The following MALRD1 variants were observed in gnomAD, a reference collection of about 807,000 sequenced individuals.
The protein encoded by MALRD1 is MAM and LDL-receptor class A domain-containing protein 1.
Under a neutral mutation model 242.1 loss-of-function variants are expected in MALRD1, and 247 were observed. The ratio of observed to expected loss-of-function variants is 1.02; its 90% CI spans 0.92 to 1.13. The LOEUF (loss-of-function observed/expected upper bound fraction) is 1.13, where lower values mean the gene tolerates loss of function less well. MALRD1 is among the 50% of genes most tolerant of loss of function. MALRD1 has a pLI of 0.00. For synonymous variants in MALRD1, 995 were observed against 866.6 expected, an observed-to-expected ratio of 1.15 and a Z score of -2.60; for missense variants, 2,989 against 2,533.1, an observed-to-expected ratio of 1.18 and a Z score of -3.86.
At chr10:19,334,073 A>C (rs936906346) in intron 24 of MALRD1, among the ~76,000 whole-genome samples, 13 of 132,814 alleles carry the variant, frequency 9.8e-5, no homozygotes, top group African/African-American at 3.4e-4. Flanking sequence ...GTAGTCTGTG[A>C]CTATTTTCTG....
intron 35 of MALRD1, among the ~76,000 whole-genome samples, chr10:19,610,294 C>T (rs1226799768): frequency 3.3e-5 from 5 of 151,888 alleles, no homozygotes; most frequent in Non-Finnish European, 5.9e-5. Context: ...CATTACCCTA[C>T]TGTGCAGTAG....
intron 29 of MALRD1, among the ~76,000 whole-genome samples, chr10:19,462,305 T>G (rs10159852): frequency 0.81 from 123,731 of 151,884 alleles, 50,589 homozygotes; most frequent in East Asian, 1. Context: ...TCATCCTAGG[T>G]TTAATTACCA....
chr10:19,696,159 G>C (rs549736507), intron 38 of MALRD1, among the ~76,000 whole-genome samples: 2 of 152,196 alleles, frequency 1.3e-5, no homozygotes, highest in African/African-American at 2.4e-5. Flanking sequence ...AACTCTGCAG[G>C]CTGGGCTCAT....
chr10:19,662,286 A>C (rs1841477787), intron 36 of MALRD1, among the ~76,000 whole-genome samples: 1 of 152,154 alleles, frequency 6.6e-6, no homozygotes, highest in Non-Finnish European at 1.5e-5. Context: ...CAAAGCTTGA[A>C]TGGAAGTTAA....
chr10:19,588,554 T>C (rs780846643), intron 33 of MALRD1, among the ~76,000 whole-genome samples: 6 of 152,228 alleles, frequency 3.9e-5, no homozygotes, highest in Non-Finnish European at 7.3e-5. Flanking sequence ...CAAGTATAGC[T>C]TTGATTGTGG....
chr10:19,104,364 CTG>C (rs928061732), intron 5 of MALRD1, among the ~76,000 whole-genome samples: 1 of 152,134 alleles, frequency 6.6e-6, no homozygotes. Flanking sequence ...CAAGAGAACT[CTG>C]TGCCTTCTAG....
intron 28 of MALRD1, among the ~76,000 whole-genome samples, chr10:19,447,768 T>C (rs1044709522): frequency 2.0e-5 from 3 of 152,130 alleles, no homozygotes; most frequent in Non-Finnish European, 4.4e-5. Flanking sequence ...TTAATTTAAT[T>C]AACCATCCCT....
chr10:19,311,049 T>A (rs979349237), intron 21 of MALRD1, among the ~76,000 whole-genome samples: 2 of 151,418 alleles, frequency 1.3e-5, no homozygotes, highest in African/African-American at 4.8e-5. Context: ...AAACACATAA[T>A]ATTTGGACAA....
chr10:19,315,200 G>T (rs1228590717), intron 21 of MALRD1, among the ~76,000 whole-genome samples: 31 of 110,212 alleles, frequency 2.8e-4, no homozygotes, highest in South Asian at 8.1e-4. Flanking sequence ...ATAATTTATA[G>T]AAATATAATT....
At chr10:19,097,086 T>C (rs911367272) in intron 4 of MALRD1, among the ~76,000 whole-genome samples, 4 of 152,216 alleles carry the variant, frequency 2.6e-5, no homozygotes, top group Admixed American at 2.6e-4. Flanking sequence ...TAGCACTTAC[T>C]ATGTGTAAGG....
At chr10:19,317,492 G>C (rs1842756557) in intron 21 of MALRD1, among the ~76,000 whole-genome samples, 1 of 151,918 alleles carries the variant, frequency 6.6e-6, no homozygotes, top group Admixed American at 6.6e-5. Context: ...GCAGCTCAAA[G>C]TATTGTTCAC....
rs568920768 is a variant in MALRD1 at position 19,717,973 on chromosome 10, C to T, written c.6315-12733C>T. Among the ~76,000 whole-genome samples the T allele has an allele frequency of 1.3e-3, 192 of 150,448 alleles. 1 individual carries two copies. The highest frequency in any genetic ancestry group is 8.7e-4 in the Non-Finnish European group (59 of 67,804). On this transcript the variant is annotated intron_variant, in intron 38 of 39. Coordinates refer to ENST00000454679, the MANE Select transcript of MALRD1 (RefSeq NM_001142308.3). The stretch of plus-strand genomic sequence containing the variant: ...TGGAGGCTGCAGTGAGCCAATATTG[C>T]GCCACTGCACTCCAGAGAGATTCTA...
At chr10:19,529,836 A>G (rs1014145133) in intron 31 of MALRD1, among the ~76,000 whole-genome samples, 1 of 152,098 alleles carries the variant, frequency 6.6e-6, no homozygotes, top group African/African-American at 2.4e-5. Context: ...ATGACTTTGG[A>G]GAAAGGAAGA....
chr10:19,100,735 G>C (rs1836220099), intron 4 of MALRD1, among the ~76,000 whole-genome samples: 1 of 152,238 alleles, frequency 6.6e-6, no homozygotes, highest in East Asian at 1.9e-4. Context: ...GTTCAGGAGA[G>C]AGATGAACAT....
At chr10:19,455,808 C>CA (rs1365215832) in intron 29 of MALRD1, among the ~76,000 whole-genome samples, 2 of 152,198 alleles carry the variant, frequency 1.3e-5, no homozygotes, top group Non-Finnish European at 2.9e-5. Flanking sequence ...CAATGCACTG[C>CA]ACACATCTAC....
At chr10:19,159,163 GC>G (rs1834290985) in intron 12 of MALRD1, among the ~76,000 whole-genome samples, 1 of 152,088 alleles carries the variant, frequency 6.6e-6, no homozygotes, top group Admixed American at 6.6e-5. Flanking sequence ...GGAAAAGAAT[GC>G]CCAGGAAAAA....
intron 17 of MALRD1, among the ~76,000 whole-genome samples, chr10:19,205,470 T>A (rs1177531141): frequency 2.0e-5 from 3 of 151,094 alleles, no homozygotes; most frequent in African/African-American, 7.3e-5. Flanking sequence ...ATACTAGAGA[T>A]ACAATGATAA....
chr10:19,329,112 A>G (rs779356688), intron 23 of MALRD1, among the ~76,000 whole-genome samples: 7 of 152,228 alleles, frequency 4.6e-5, no homozygotes, highest in Non-Finnish European at 8.8e-5. Flanking sequence ...AAAAAAGAGT[A>G]TACCCCTGAT....
chr10:19,653,319 C>A, intron 36 of MALRD1, among the ~76,000 whole-genome samples: 1 of 152,184 alleles, frequency 6.6e-6, no homozygotes, highest in African/African-American at 2.4e-5. Flanking sequence ...ACCTTAGCCT[C>A]CTGAGTAGCT....
Sources: gnomAD v4.1 joint callset for allele counts (sites outside exome capture counted in the v4.1 genomes callset) on GRCh38, gnomAD v4.1.1 for gene constraint, MANE v1.5 for transcripts, NCBI Gene and HGNC (gene_info 2026-07-23, HGNC 2026-07-21) for gene names.